The following DNAJB6 variants were observed in gnomAD, a reference collection of about 807,000 sequenced individuals.
DNAJB6 encodes the protein dnaJ homolog subfamily B member 6.
A neutral mutation model predicts 42.7 loss-of-function variants in DNAJB6; 16 were observed. The observed-to-expected ratio is 0.37, with a 90% CI of 0.25 to 0.57. The LOEUF (loss-of-function observed/expected upper bound fraction) is 0.57. DNAJB6 is among the 20% of genes least tolerant of loss of function. The pLI is 0.74. For missense variants in DNAJB6, 347 were observed against 416.8 expected, an observed-to-expected ratio of 0.83 and a Z score of 1.46; for synonymous variants, 170 against 163.5, an observed-to-expected ratio of 1.04 and a Z score of -0.30.
chr7:157,375,667 A>G (rs1023185303), intron 5 of DNAJB6, among the ~76,000 whole-genome samples: 1 of 152,188 alleles, frequency 6.6e-6, no homozygotes, highest in African/African-American at 2.4e-5. Context: ...CGTGTTCTTC[A>G]TTGGCTCCCA....
chr7:157,403,943 G>A (rs1372960057), intron 8 of DNAJB6, among the ~76,000 whole-genome samples: 1 of 152,092 alleles, frequency 6.6e-6, no homozygotes, highest in Non-Finnish European at 1.5e-5. Context: ...GTTTCTTGAG[G>A]GTGGGAAGGA....
intron 5 of DNAJB6, among the ~76,000 whole-genome samples, chr7:157,375,721 A>C (rs751748289): frequency 2.6e-5 from 4 of 152,134 alleles, no homozygotes; most frequent in African/African-American, 9.7e-5. Flanking sequence ...GTTATTTGCT[A>C]CTTCTGAAAA....
intron 1 of DNAJB6, among the ~76,000 whole-genome samples, chr7:157,356,397 G>T (rs1799276804): frequency 6.6e-6 from 1 of 152,206 alleles, no homozygotes; most frequent in Admixed American, 6.5e-5. Context: ...CAGGTTTTTA[G>T]TTACTGAAAG....
At chr7:157,368,429 CTGT>C (rs1458939695) in intron 5 of DNAJB6, among the ~76,000 whole-genome samples, 5 of 152,166 alleles carry the variant, frequency 3.3e-5, no homozygotes, top group Non-Finnish European at 2.9e-5. Context: ...TGTGTGAGGA[CTGT>C]TGTTGAGAGT....
chr7:157,410,153 C>G, intron 9 of DNAJB6, 152 bp downstream of exon 9: 1 of 1,407,106 alleles, frequency 7.1e-7, no homozygotes, highest in Non-Finnish European at 9.2e-7. Flanking sequence ...TAGCCTCGCT[C>G]TGCTCCTCTC....
At chr7:157,352,160 C>G (rs998787883) in intron 1 of DNAJB6, among the ~76,000 whole-genome samples, 5 of 151,894 alleles carry the variant, frequency 3.3e-5, no homozygotes, top group African/African-American at 7.3e-5. Flanking sequence ...TGAAACCCGT[C>G]CCTACTAAAA....
rs185671999 is a variant in DNAJB6 at position 157,380,175 on chromosome 7, T to G, written c.347-2071T>G. On this transcript the variant is annotated intron_variant, in intron 5 of 9. Coordinates refer to ENST00000262177, the MANE Select transcript of DNAJB6 (RefSeq NM_058246.4). The stretch of plus-strand genomic sequence containing the variant: ...GAAGAGAGTTACCGCATAATCAGTT[T>G]TAACTGTATTTGTAATGTTTGTTTC... 1.7e-4 allele frequency: 26 copies of G among 152,354 alleles called. 1 individual carries two copies. The highest frequency in any genetic ancestry group is 1.6e-3 in the Admixed American group (25 of 15,300). The allele number at this position is 152,354 out of a possible 1,614,324, so 9.4% of individuals were successfully genotyped here.
Position 157,385,003 on chromosome 7 carries a change from A to G in DNAJB6, c.615A>G (p.Thr205=). ...TKMVNGRKIT[T]KRIVENGQER... ...TGGTTAATGGCAGAAAAATCACTAC[A>G]AAGAGGTACTGTGGTATTCTGCATT... Residue 205 remains threonine (T), a synonymous_variant, in exon 7 of 10, where the codon ACA becomes ACG. Coordinates refer to ENST00000262177, the MANE Select transcript of DNAJB6 (RefSeq NM_058246.4). 1 of 1,614,058 alleles carries G rather than the reference A, an allele frequency of 6.2e-7. No homozygotes were observed. The highest frequency in any genetic ancestry group is 1.7e-5 in the Admixed American group (1 of 60,006).
At chr7:157,356,235 A>C (rs371051729) in intron 1 of DNAJB6, among the ~76,000 whole-genome samples, 1 of 152,364 alleles carries the variant, frequency 6.6e-6, no homozygotes, top group East Asian at 1.9e-4. Flanking sequence ...ATCACTGCCA[A>C]AATGCCACCT....
At chr7:157,339,598 CTTTTGTGTGTGTGTGT>C (rs1414231380) in intron 1 of DNAJB6, among the ~76,000 whole-genome samples, 1 of 134,312 alleles carries the variant, frequency 7.4e-6, no homozygotes, top group East Asian at 2.2e-4. Flanking sequence ...CGCGCCCGGC[CTTTTGTGTGTGTGTGT>C]GTGTGTGTGT....
chr7:157,376,888 A>G (rs970982293), intron 5 of DNAJB6, among the ~76,000 whole-genome samples: 4 of 152,156 alleles, frequency 2.6e-5, no homozygotes, highest in Non-Finnish European at 4.4e-5. Context: ...TTGGGAAAAC[A>G]AACAAACAAA....
chr7:157,355,049 G>T (rs2116927996), intron 1 of DNAJB6, among the ~76,000 whole-genome samples: 1 of 152,294 alleles, frequency 6.6e-6, no homozygotes, highest in South Asian at 2.1e-4. Flanking sequence ...TTACATCTGG[G>T]ACTCATTGCT....
intron 6 of DNAJB6, among the ~76,000 whole-genome samples, chr7:157,384,414 C>T (rs1800945678): frequency 6.6e-6 from 1 of 152,186 alleles, no homozygotes; most frequent in Admixed American, 6.5e-5. Flanking sequence ...GTGTCCATCA[C>T]AGTCTGTGGA....
chr7:157,351,892 C>G (rs946322794), intron 1 of DNAJB6, among the ~76,000 whole-genome samples: 1 of 152,062 alleles, frequency 6.6e-6, no homozygotes, highest in Admixed American at 6.6e-5. Context: ...AGCTGGGAGG[C>G]TGAGGCAGGA....
chr7:157,342,631 A>G (rs1157521116), intron 1 of DNAJB6, among the ~76,000 whole-genome samples: 1 of 151,866 alleles, frequency 6.6e-6, no homozygotes, highest in Non-Finnish European at 1.5e-5. Context: ...TAACTTCTAT[A>G]TTTTTAGTAG....
chr7:157,413,823 A>G (rs1796039430), intron 9 of DNAJB6: 1 of 144,840 alleles, frequency 6.9e-6, no homozygotes, highest in Non-Finnish European at 1.5e-5. Flanking sequence ...CAAGGGTTCC[A>G]GCGATTTTCC....
rs1467112623 is a variant in DNAJB6 at position 157,390,120 on chromosome 7, A to C, written c.691+4509A>C. On this transcript the variant is annotated intron_variant, in intron 8 of 9. Transcript: ENST00000262177. Reference sequence around the variant, plus strand: ...CATCCCGTGAGTGCTGGCTGCGGAAACCCAGATGGTGGTTGCTGTCCCACA... The same window carrying C: ...CATCCCGTGAGTGCTGGCTGCGGAACCCCAGATGGTGGTTGCTGTCCCACA... Among the ~76,000 whole-genome samples, 64 of 152,132 alleles carry C rather than the reference A, an allele frequency of 4.2e-4. 1 individual carries two copies. The highest frequency in any genetic ancestry group is 1.5e-5 in the Non-Finnish European group (1 of 68,018).
intron 5 of DNAJB6, among the ~76,000 whole-genome samples, chr7:157,368,272 CAGTGGTA>C (rs1799939975): frequency 6.6e-6 from 1 of 152,172 alleles, no homozygotes; most frequent in Admixed American, 6.5e-5. Context: ...TCAGAAGAGA[CAGTGGTA>C]AGGGCATGGG....
chr7:157,385,440 T>C (rs1017057042), intron 7 of DNAJB6, 101 bp from the exon 8 acceptor site: 22 of 1,240,732 alleles, frequency 1.8e-5, no homozygotes, highest in African/African-American at 6.1e-5. Flanking sequence ...AAATTACTTA[T>C]ATTCATGGTG....
Sources: gnomAD v4.1 joint callset for allele counts (sites outside exome capture counted in the v4.1 genomes callset) on GRCh38, gnomAD v4.1.1 for gene constraint, MANE v1.5 for transcripts, NCBI Gene and HGNC (gene_info 2026-07-23, HGNC 2026-07-21) for gene names.